The following CWH43 variants were observed in gnomAD, a reference collection of about 807,000 sequenced individuals.
CWH43 encodes PGAP2-interacting protein.
CWH43 carries 91 observed loss-of-function variants against 85.7 expected under a neutral mutation model. The ratio of observed to expected loss-of-function variants is 1.06; its 90% CI spans 0.90 to 1.26. The LOEUF is 1.26. Ranked by LOEUF, CWH43 falls within the 50% of genes most tolerant of loss-of-function variation. The probability of loss-of-function intolerance (pLI) is 0.00; values close to 1 mark genes in which losing one functional copy is unlikely to be tolerated. For missense variants in CWH43, 869 were observed against 839.2 expected, an observed-to-expected ratio of 1.04 and a Z score of -0.44; for synonymous variants, 323 against 293.6, an observed-to-expected ratio of 1.10 and a Z score of -1.02.
intron 15 of CWH43, among the ~76,000 whole-genome samples, chr4:49,051,925 T>A (rs1247841555): frequency 6.6e-6 from 1 of 152,186 alleles, no homozygotes; most frequent in Non-Finnish European, 1.5e-5. Context: ...ACATATGAGT[T>A]GGAGTATGTG....
At chr4:48,991,731 C>T (rs1436664006) in intron 3 of CWH43, among the ~76,000 whole-genome samples, 157 bp downstream of exon 3, 6 of 152,052 alleles carry the variant, frequency 3.9e-5, no homozygotes, top group African/African-American at 1.2e-4. Context: ...GACATGAATA[C>T]TTGCCATCAA....
chr4:48,987,664 C>A (rs1204873087), intron 1 of CWH43, among the ~76,000 whole-genome samples: 1 of 152,178 alleles, frequency 6.6e-6, no homozygotes, highest in Admixed American at 6.5e-5. Context: ...TAATACTTAG[C>A]ACAGACCCTA....
chr4:49,005,583 A>G, intron 7 of CWH43, among the ~76,000 whole-genome samples: 1 of 141,004 alleles, frequency 7.1e-6, no homozygotes, highest in Non-Finnish European at 1.5e-5. Flanking sequence ...TTTTTGAGAC[A>G]GGGTCTTGTT....
At chr4:48,991,603 A>C in intron 3 of CWH43, 29 bp downstream of exon 3, 1 of 1,611,340 alleles carries the variant, frequency 6.2e-7, no homozygotes, top group South Asian at 1.1e-5. Flanking sequence ...GTACTTATAG[A>C]CAAACAAGTA....
At chr4:49,041,340 G>A (rs929942530) in intron 13 of CWH43, among the ~76,000 whole-genome samples, 3 of 152,132 alleles carry the variant, frequency 2.0e-5, no homozygotes, top group Non-Finnish European at 4.4e-5. Context: ...TGGGCAGTGT[G>A]GCCATTTTCA....
rs375692623 is a variant in CWH43, at chr4:49,030,796, C to T, written c.1373-29C>T. 1.2e-5 allele frequency: 19 copies of T among 1,538,296 alleles called. No individual in the cohort carries two copies. The African/African-American group carries it at 2.7e-4, about 22-fold the overall frequency. ...TTTTTTGCCTTGCTGTGATTCATCA[C>T]TGTATGCTACTTTTTTTTTTCTGAA... On this transcript the variant is annotated intron_variant, in intron 10 of 15. Coordinates refer to ENST00000226432, the MANE Select transcript of CWH43 (RefSeq NM_025087.3).
intron 15 of CWH43, among the ~76,000 whole-genome samples, chr4:49,058,686 G>T (rs969417125): frequency 3.9e-5 from 6 of 151,986 alleles, no homozygotes; most frequent in Non-Finnish European, 7.4e-5. Flanking sequence ...TTGTCTCTTT[G>T]GGAAAGTCCT....
intron 15 of CWH43, among the ~76,000 whole-genome samples, chr4:49,055,576 A>T (rs1263929725): frequency 7.1e-6 from 1 of 141,458 alleles, no homozygotes; most frequent in Non-Finnish European, 1.5e-5. Flanking sequence ...AAGGATGGGC[A>T]TTAATTTTTC....
chr4:49,039,890 C>G (rs1452927543), intron 13 of CWH43, among the ~76,000 whole-genome samples: 1 of 151,892 alleles, frequency 6.6e-6, no homozygotes, highest in Non-Finnish European at 1.5e-5. Flanking sequence ...TGCTATCCCT[C>G]CCCCGTCCCC....
rs376898587 is a variant in CWH43 at position 49,003,730 on chromosome 4, A to G, written c.803-5A>G. 1.9e-6 allele frequency: 3 copies of G among 1,613,372 alleles called. No individual in the cohort carries two copies. Among genetic ancestry groups the G allele is most frequent in the Non-Finnish European group, 2.5e-6 (3 of 1,179,764 alleles). On this transcript the variant is annotated splice_region_variant and splice_polypyrimidine_tract_variant and intron_variant, in intron 6 of 15. Transcript: ENST00000226432. ...CTGTCTGATTCTTTTCTCTCTCACAAACAGGAACAGCTTCAGCTGCGGGGC... is the reference window on the plus strand; with the variant it reads ...CTGTCTGATTCTTTTCTCTCTCACAGACAGGAACAGCTTCAGCTGCGGGGC...
intron 15 of CWH43, among the ~76,000 whole-genome samples, chr4:49,052,308 T>C (rs887497095): frequency 4.6e-5 from 7 of 152,148 alleles, no homozygotes; most frequent in Non-Finnish European, 7.4e-5. Flanking sequence ...TTGGTAACTG[T>C]GGGCCAGTTG....
intron 5 of CWH43, among the ~76,000 whole-genome samples, chr4:48,997,044 A>G (rs1281751403): frequency 6.6e-6 from 1 of 152,328 alleles, no homozygotes; most frequent in African/African-American, 2.4e-5. Flanking sequence ...ACATCAGCAT[A>G]TTAGAGACTT....
chr4:48,997,825 G>A (rs1350123), intron 5 of CWH43, among the ~76,000 whole-genome samples: 94,454 of 152,010 alleles, frequency 0.62, 31,458 homozygotes, highest in Middle Eastern at 0.8. Context: ...AATAGTGCCT[G>A]GTATGTAGTG....
intron 14 of CWH43, among the ~76,000 whole-genome samples, chr4:49,046,308 CCATTCATTCATT>C (rs3038725): frequency 3.3e-5 from 5 of 150,542 alleles, no homozygotes; most frequent in Admixed American, 6.7e-5. Context: ...GAGGGACTAA[CCATTCATTCATT>C]CATTCATTCA....
rs1215526080 is a variant in CWH43 at position 48,992,123 on chromosome 4, A to G, written c.511+33A>G. Reference sequence around the variant, plus strand: ...TGTAACTTAGGAATTTTCTCTTTGCAGAGCTTACCTTTCCTATGTGAATGT... The same window carrying G: ...TGTAACTTAGGAATTTTCTCTTTGCGGAGCTTACCTTTCCTATGTGAATGT... On this transcript the variant is annotated intron_variant, in intron 4 of 15. Coordinates refer to ENST00000226432, the MANE Select transcript of CWH43 (RefSeq NM_025087.3). The surrounding 1 kb of genome is among the most constrained non-coding windows in gnomAD (Gnocchi z 4.3). The G allele has an allele frequency of 6.4e-7, 1 of 1,561,968 alleles. No individual in the cohort carries two copies. Among genetic ancestry groups the G allele is most frequent in the Admixed American group, 1.7e-5 (1 of 57,750 alleles).
At chr4:48,997,685 A>G (rs1782855479) in intron 5 of CWH43, among the ~76,000 whole-genome samples, 1 of 152,182 alleles carries the variant, frequency 6.6e-6, no homozygotes, top group Non-Finnish European at 1.5e-5. Context: ...GCTACTGTGT[A>G]TGACCTCAAG....
At chr4:49,020,776 T>C (rs1252188218) in intron 9 of CWH43, among the ~76,000 whole-genome samples, 1 of 152,212 alleles carries the variant, frequency 6.6e-6, no homozygotes, top group Non-Finnish European at 1.5e-5. Context: ...AGTATCACAT[T>C]GTGGTTTTGA....
At chr4:49,055,455 G>T (rs529232237) in intron 15 of CWH43, among the ~76,000 whole-genome samples, 1 of 152,048 alleles carries the variant, frequency 6.6e-6, no homozygotes, top group Non-Finnish European at 1.5e-5. Context: ...AGGGATATTG[G>T]CTTATCATTT....
At chr4:49,057,079 G>A (rs1391970964) in intron 15 of CWH43, among the ~76,000 whole-genome samples, 2 of 152,144 alleles carry the variant, frequency 1.3e-5, no homozygotes, top group South Asian at 2.1e-4. Context: ...ATTTGTCCTG[G>A]AGAATGTTCC....
Sources: gnomAD v4.1 joint callset for allele counts (sites outside exome capture counted in the v4.1 genomes callset) on GRCh38, gnomAD v4.1.1 for gene constraint, Gnocchi (gnomAD v3.1) non-coding constraint, MANE v1.5 for transcripts, NCBI Gene and HGNC (gene_info 2026-07-23, HGNC 2026-07-21) for gene names.